TP53I11: variants seen among roughly 807,000 people sequenced by gnomAD.
The protein encoded by TP53I11 is tumor protein p53-inducible protein 11.
TP53I11 carries 9 observed loss-of-function variants against 23.3 expected under a neutral mutation model. The observed-to-expected ratio is 0.39, with a 90% CI of 0.23 to 0.67. The LOEUF is 0.67. TP53I11 is among the 30% of genes least tolerant of loss of function. TP53I11 has a pLI of 0.48. For missense variants in TP53I11, 170 were observed against 255.2 expected (o/e 0.67, Z 2.27); for synonymous variants, 100 against 106.1 (o/e 0.94, Z 0.35).
chr11:44,936,938 A>T lies in TP53I11; in HGVS notation c.238-39T>A. The T allele has an allele frequency of 6.8e-7, 1 of 1,467,564 alleles. No individual in the cohort carries two copies. Among genetic ancestry groups the T allele is most frequent in the Non-Finnish European group, 9.3e-7 (1 of 1,071,022 alleles). The allele number at this position is 1,467,564 out of a possible 1,614,324, so 90.9% of individuals were successfully genotyped here. A position where few individuals can be genotyped will look rare whatever the true frequency, so the allele number is the denominator to read the frequency against. On this transcript the variant is annotated intron_variant, in intron 4 of 6. Transcript: ENST00000525680. This position sits in a 1 kb window ranked among gnomAD's most constrained non-coding sequence, Gnocchi z 4.4. ...GAGGGGCTCAGAGGTCCCGCTTGGG[A>T]GAGGGTGGGGGGTGACAGCTGATGC...
Position 44,934,161 on chromosome 11 carries a change from T to C in TP53I11, c.*723A>G, listed in dbSNP as rs1860831657. Reference sequence around the variant, plus strand: ...GGACTTCTAGCTGGGAGAGGACTTCTAGCTGTGTGTGGCCCATTCTTGAAG... The same window carrying C: ...GGACTTCTAGCTGGGAGAGGACTTCCAGCTGTGTGTGGCCCATTCTTGAAG... On this transcript the variant is annotated 3_prime_UTR_variant, in exon 7 of 7. Transcript: ENST00000525680. The C allele has an allele frequency of 6.6e-6, 1 of 152,566 alleles. No homozygotes were observed. The highest frequency in any genetic ancestry group is 1.5e-5 in the Non-Finnish European group (1 of 68,336). 9.5% of individuals were successfully genotyped at this position (152,566 alleles called of 1,614,324 possible). A position where few individuals can be genotyped will look rare whatever the true frequency, so the allele number is the denominator to read the frequency against.
intron 1 of TP53I11, among the ~76,000 whole-genome samples, chr11:44,939,977 T>C (rs1410640716): frequency 6.6e-6 from 1 of 152,180 alleles, no homozygotes; most frequent in South Asian, 2.1e-4. Context: ...GTGCCAGCCA[T>C]CAGGACAGGA....
intron 1 of TP53I11, among the ~76,000 whole-genome samples, chr11:44,938,728 C>A (rs1471468264): frequency 2.6e-5 from 4 of 152,142 alleles, no homozygotes; most frequent in African/African-American, 7.2e-5. Context: ...AGCCTGGATT[C>A]ATGGGGCAAA....
At chr11:44,943,936 C>T (rs1862146339) in intron 1 of TP53I11, among the ~76,000 whole-genome samples, 2 of 152,206 alleles carry the variant, frequency 1.3e-5, no homozygotes, top group South Asian at 4.1e-4. Context: ...ACGTGGCGGG[C>T]TGAGGGGAGG....
chr11:44,936,749 TG>T lies in TP53I11; in HGVS notation c.334+53del. The stretch of plus-strand genomic sequence containing the variant: ...ACCCCCGTGCTCTCCTCAGCCCCGC[TG>T]GGTCTCCCAGCTGCCCGTCGCCTCC... On this transcript the variant is annotated intron_variant, in intron 5 of 6. Transcript: ENST00000525680. The surrounding 1 kb of genome is among the most constrained non-coding windows in gnomAD (Gnocchi z 4.4). 1 of 1,462,446 alleles carries T rather than the reference TG, an allele frequency of 6.8e-7. No individual in the cohort carries two copies. Among genetic ancestry groups the T allele is most frequent in the Non-Finnish European group, 9.0e-7 (1 of 1,105,614 alleles). The allele number at this position is 1,462,446 out of a possible 1,614,324, so 90.6% of individuals were successfully genotyped here. A position where few individuals can be genotyped will look rare whatever the true frequency, so the allele number is the denominator to read the frequency against.
At chr11:44,942,429 TACACAC>T (rs56662172) in intron 1 of TP53I11, among the ~76,000 whole-genome samples, 47,123 of 145,710 alleles carry the variant, frequency 0.32, 7,633 homozygotes, top group African/African-American at 0.39. Flanking sequence ...ACACACACCA[TACACAC>T]ACACACACAC....
rs1275129485 is a variant in TP53I11 at position 44,938,385 on chromosome 11, C to T, written c.-31-19G>A. On this transcript the variant is annotated intron_variant, in intron 1 of 6. Transcript: ENST00000525680. The stretch of plus-strand genomic sequence containing the variant: ...AGAAGGGCTGAGGGGAGACACCGGC[C>T]TCAGGCCACAGTTCCTACCCAGCTT... 6.6e-7 allele frequency: 1 copy of T among 1,514,876 alleles called. No homozygotes were observed. Among genetic ancestry groups the T allele is most frequent in the Non-Finnish European group, 8.8e-7 (1 of 1,132,990 alleles). 93.8% of individuals were successfully genotyped at this position (1,514,876 alleles called of 1,614,324 possible).
At chr11:44,946,245 G>A (rs904417560) in intron 1 of TP53I11, among the ~76,000 whole-genome samples, 3 of 152,194 alleles carry the variant, frequency 2.0e-5, no homozygotes, top group Non-Finnish European at 2.9e-5. Flanking sequence ...AGGTTTCATC[G>A]GAGGCCCACA....
rs200744010 is a variant in TP53I11 at position 44,937,381 on chromosome 11, C to T, written c.189-29G>A. The T allele has an allele frequency of 2.2e-5, 32 of 1,476,550 alleles. No individual in the cohort carries two copies. The African/African-American group carries it at 3.0e-4, about 14-fold the overall frequency. 91.5% of individuals were successfully genotyped at this position (1,476,550 alleles called of 1,614,324 possible). ...GGAGGCGTGGAAAGAAGATCACAGC[C>T]CTGCCCCAGGGGACCCTCCCCTCTC... On this transcript the variant is annotated intron_variant, in intron 3 of 6. Transcript: ENST00000525680.
At position 44,936,705 on chromosome 11, in the gene TP53I11, A is replaced by C; in HGVS notation, c.334+98T>G. Reference sequence around the variant, plus strand: ...GGCGCAGCATCTGGCCGAAGAAAGGAAGGGGTGCCCGGGCACGGACCCCCG... The same window carrying C: ...GGCGCAGCATCTGGCCGAAGAAAGGCAGGGGTGCCCGGGCACGGACCCCCG... On this transcript the variant is annotated intron_variant, in intron 5 of 6. Coordinates refer to ENST00000525680, the MANE Select transcript of TP53I11 (RefSeq NM_006034.5). The surrounding 1 kb of genome is among the most constrained non-coding windows in gnomAD (Gnocchi z 4.4). 1 of 1,351,852 alleles carries C rather than the reference A, an allele frequency of 7.4e-7. No individual in the cohort carries two copies. The highest frequency in any genetic ancestry group is 9.6e-7 in the Non-Finnish European group (1 of 1,044,778). The allele number at this position is 1,351,852 out of a possible 1,614,324, so 83.7% of individuals were successfully genotyped here.
At chr11:44,945,217 A>G (rs1171893166) in intron 1 of TP53I11, among the ~76,000 whole-genome samples, 1 of 152,164 alleles carries the variant, frequency 6.6e-6, no homozygotes, top group Non-Finnish European at 1.5e-5. Context: ...TCCACCCCTC[A>G]TAAGGAAGAC....
At position 44,933,713 on chromosome 11, in the gene TP53I11, C is replaced by G. The variant is rs555927052; in HGVS notation, c.*1171G>C. 441 of 152,746 alleles carry G rather than the reference C, an allele frequency of 2.9e-3. 3 individuals carry two copies. The highest frequency in any genetic ancestry group is 0.01 in the African/African-American group (418 of 41,564). 9.5% of individuals were successfully genotyped at this position (152,746 alleles called of 1,614,324 possible). A position where few individuals can be genotyped will look rare whatever the true frequency, so the allele number is the denominator to read the frequency against. On this transcript the variant is annotated 3_prime_UTR_variant, in exon 7 of 7. Transcript: ENST00000525680. Reference sequence around the variant, plus strand: ...GCCTTTGCCAGGGCGCTGGACAGGGCGGGGAAGATGAGGGGAGGTGGCCTG... The same window carrying G: ...GCCTTTGCCAGGGCGCTGGACAGGGGGGGGAAGATGAGGGGAGGTGGCCTG...
chr11:44,947,053 C>T (rs181399462), intron 1 of TP53I11: 3 of 456,348 alleles, frequency 6.6e-6, no homozygotes, highest in Non-Finnish European at 8.8e-6. Context: ...CTGAAGAGGG[C>T]GAGAGGTCAG....
At chr11:44,937,279 T>A in intron 4 of TP53I11, 25 bp downstream of exon 4, 2 of 1,526,476 alleles carry the variant, frequency 1.3e-6, no homozygotes, top group Non-Finnish European at 1.8e-6. Flanking sequence ...GGGCCAGATC[T>A]CAGGGGCTGG....
chr11:44,937,138 C>T lies in TP53I11; in HGVS notation c.237+166G>A, dbSNP rs1044498424. The T allele has an allele frequency of 6.8e-6, 6 of 884,230 alleles. No individual in the cohort carries two copies. The African/African-American group carries it at 1.0e-4, about 15-fold the overall frequency. The allele number at this position is 884,230 out of a possible 1,614,324, so 54.8% of individuals were successfully genotyped here. On this transcript the variant is annotated intron_variant, in intron 4 of 6. Coordinates refer to ENST00000525680, the MANE Select transcript of TP53I11 (RefSeq NM_006034.5). Reference sequence around the variant, plus strand: ...GGATCTAGTGTGCTCCTGGAGAAGGCACAGGCGTGGCAGTGTAGGAGTCAG... The same window carrying T: ...GGATCTAGTGTGCTCCTGGAGAAGGTACAGGCGTGGCAGTGTAGGAGTCAG...
intron 2 of TP53I11, 51 bp from the exon 3 acceptor site, chr11:44,937,664 C>T (rs542481307): frequency 1.3e-6 from 2 of 1,572,452 alleles, no homozygotes; most frequent in African/African-American, 2.7e-5. Flanking sequence ...GCTCTCAGCG[C>T]CCCCACTCGC....
chr11:44,937,462 T>G, intron 3 of TP53I11, 93 bp downstream of exon 3: 1 of 1,535,316 alleles, frequency 6.5e-7, no homozygotes, highest in Non-Finnish European at 8.8e-7. Flanking sequence ...CAAAATAAAA[T>G]CCAGGGACCA....
chr11:44,938,566 G>T (rs1437599597), intron 1 of TP53I11, 200 bp from the exon 2 acceptor site: 2 of 571,956 alleles, frequency 3.5e-6, no homozygotes, highest in Non-Finnish European at 5.7e-6. Context: ...GAGGCTCTGG[G>T]AGCTGGTCTG....
rs751205275 is a variant in TP53I11 at position 44,936,730 on chromosome 11, G to C, written c.334+73C>G. The C allele has an allele frequency of 1.6e-5, 23 of 1,399,096 alleles. No homozygotes were observed. The African/African-American group carries it at 3.4e-4, about 21-fold the overall frequency. 86.7% of individuals were successfully genotyped at this position (1,399,096 alleles called of 1,614,324 possible). A position where few individuals can be genotyped will look rare whatever the true frequency, so the allele number is the denominator to read the frequency against. ...AAGGGGTGCCCGGGCACGGACCCCC[G>C]TGCTCTCCTCAGCCCCGCTGGGTCT... is the stretch of plus-strand genomic sequence containing the variant. On this transcript the variant is annotated intron_variant, in intron 5 of 6. Transcript: ENST00000525680. The surrounding 1 kb of genome is among the most constrained non-coding windows in gnomAD (Gnocchi z 4.4).
Sources: gnomAD v4.1 joint callset for allele counts (sites outside exome capture counted in the v4.1 genomes callset) on GRCh38, gnomAD v4.1.1 for gene constraint, Gnocchi (gnomAD v3.1) non-coding constraint, MANE v1.5 for transcripts, NCBI Gene and HGNC (gene_info 2026-07-23, HGNC 2026-07-21) for gene names.